Variants in PHLDB2 observed in about 807,000 individuals in gnomAD.
PHLDB2 encodes the protein pleckstrin homology like domain family B member 2.
Under a neutral mutation model 123.6 loss-of-function variants are expected in PHLDB2, and 71 were observed. The observed-to-expected ratio is 0.57, with a 90% CI of 0.47 to 0.70. The LOEUF (loss-of-function observed/expected upper bound fraction) is 0.70, where lower values mean the gene tolerates loss of function less well. Ranked by LOEUF, PHLDB2 falls within the 30% of genes least tolerant of loss-of-function variation. The pLI is 0.00. For missense variants in PHLDB2, 1,446 were observed against 1,519.5 expected, an observed-to-expected ratio of 0.95 and a Z score of 0.80; for synonymous variants, 547 against 541.6, an observed-to-expected ratio of 1.01 and a Z score of -0.14.
rs531727578 is a variant in PHLDB2, at chr3:111,832,474, TC to T, written c.-48-13343del. The stretch of plus-strand genomic sequence containing the variant: ...CATTCCCACATCCTTCCATCCCCAT[TC>T]CCCAGAGGAAAACAGCATTAATCTT... On this transcript the variant is annotated intron_variant, in intron 1 of 17. Coordinates refer to the PHLDB2 transcript ENST00000393923. Among the ~76,000 whole-genome samples, 3 of 150,934 alleles carry T rather than the reference TC, an allele frequency of 2.0e-5. No homozygotes were observed. The South Asian group carries it at 6.2e-4, about 31-fold the overall frequency.
At position 111,772,981 on chromosome 3, in the gene PHLDB2, G is replaced by A. The variant is rs564864554; in HGVS notation, c.-49+40278G>A. ...CTCACCTATCCATTTCCACTCATGT[G>A]CAAATCATATATTTCTGATTCTCAG... On this transcript the variant is annotated intron_variant, in intron 1 of 17. Coordinates refer to the PHLDB2 transcript ENST00000393923. Among the ~76,000 whole-genome samples the A allele has an allele frequency of 2.0e-5, 3 of 152,242 alleles. No individual in the cohort carries two copies. The South Asian group carries it at 6.2e-4, about 32-fold the overall frequency.
At chr3:111,850,612 T>G (rs771350118) in intron 2 of PHLDB2, among the ~76,000 whole-genome samples, 2 of 151,870 alleles carry the variant, frequency 1.3e-5, no homozygotes, top group Non-Finnish European at 2.9e-5. Flanking sequence ...CAAAAAAATT[T>G]TAAAATCTGG....
chr3:111,752,358 G>A (rs1444961156), intron 1 of PHLDB2, among the ~76,000 whole-genome samples: 1 of 151,810 alleles, frequency 6.6e-6, no homozygotes, highest in Non-Finnish European at 1.5e-5. Flanking sequence ...TTTTTTAATG[G>A]AATTTGTGAA....
chr3:111,773,395 A>AAC (rs2060211665), intron 1 of PHLDB2, among the ~76,000 whole-genome samples: 2 of 152,196 alleles, frequency 1.3e-5, no homozygotes, highest in African/African-American at 4.8e-5. Flanking sequence ...TATGGATCCC[A>AAC]ACATAGGCTT....
In PHLDB2 at chr3:111,766,993, T is replaced by G. The variant is rs1247019598; in HGVS notation, c.-49+34290T>G. Among the ~76,000 whole-genome samples the G allele has an allele frequency of 2.3e-5, 3 of 131,438 alleles. No homozygotes were observed. The Admixed American group carries it at 2.8e-4, about 12-fold the overall frequency. The allele number at this position is 131,438 out of a possible 152,430, so 86.2% of individuals were successfully genotyped here. On this transcript the variant is annotated intron_variant, in intron 1 of 17. Transcript: ENST00000393923. ...TTGCAGTGAGCCGAGATTGTGCCAT[T>G]GCATTCCAGCCTGGGCAACAGAGCC... is the stretch of plus-strand genomic sequence containing the variant.
intron 12 of PHLDB2, among the ~76,000 whole-genome samples, chr3:111,956,145 C>T (rs1482142339): frequency 2.6e-5 from 4 of 152,090 alleles, no homozygotes; most frequent in African/African-American, 9.7e-5. Context: ...AGTGAGCTGC[C>T]ATCATGCCAC....
intron 1 of PHLDB2, among the ~76,000 whole-genome samples, chr3:111,759,899 C>T (rs933618564): frequency 1.3e-5 from 2 of 152,142 alleles, no homozygotes; most frequent in African/African-American, 4.8e-5. Flanking sequence ...ATTGTTGGTT[C>T]ATAATAGCAA....
chr3:111,923,216 C>T (rs2068621269), intron 5 of PHLDB2, among the ~76,000 whole-genome samples: 1 of 152,170 alleles, frequency 6.6e-6, no homozygotes, highest in Admixed American at 6.5e-5. Context: ...GTTAAGACTA[C>T]TAAAGACCTC....
intron 1 of PHLDB2, among the ~76,000 whole-genome samples, chr3:111,781,776 G>A (rs144956001): frequency 1.3e-5 from 2 of 152,096 alleles, no homozygotes; most frequent in Admixed American, 6.6e-5. Flanking sequence ...CTTAAGCATA[G>A]TAAGTACAGT....
intron 3 of PHLDB2, among the ~76,000 whole-genome samples, chr3:111,918,210 A>G (rs754139577): frequency 6.6e-6 from 1 of 152,192 alleles, no homozygotes; most frequent in Non-Finnish European, 1.5e-5. Flanking sequence ...GTGATCTACA[A>G]TATTGCCTTC....
intron 1 of PHLDB2, among the ~76,000 whole-genome samples, chr3:111,784,095 G>C (rs900108857): frequency 1.3e-5 from 2 of 152,088 alleles, no homozygotes; most frequent in Non-Finnish European, 2.9e-5. Flanking sequence ...TAACCAAACT[G>C]GGAGGGAAAA....
At chr3:111,779,974 A>T (rs938438405) in intron 1 of PHLDB2, 3 of 612,478 alleles carry the variant, frequency 4.9e-6, no homozygotes, top group African/African-American at 2.0e-5. Flanking sequence ...AGAGTCGAGG[A>T]CTCTGACATG....
At chr3:111,877,521 G>A (rs2065694467) in intron 1 of PHLDB2, among the ~76,000 whole-genome samples, 1 of 152,074 alleles carries the variant, frequency 6.6e-6, no homozygotes. Context: ...TAGGTTGCCC[G>A]CTCACTCTGA....
chr3:111,832,391 AAAAAAAC>A (rs1445750491), intron 1 of PHLDB2, among the ~76,000 whole-genome samples: 2 of 148,906 alleles, frequency 1.3e-5, no homozygotes, highest in African/African-American at 5.1e-5. Flanking sequence ...AACAAAAAAC[AAAAAAAC>A]AAAAAGATAA....
chr3:111,751,708 G>A, intron 1 of PHLDB2, among the ~76,000 whole-genome samples: 1 of 117,166 alleles, frequency 8.5e-6, no homozygotes, highest in African/African-American at 3.2e-5. Context: ...GGAGGGGGGA[G>A]GGATAGCATT....
chr3:111,920,288 A>G lies in PHLDB2; in HGVS notation c.1870A>G (p.Met624Val), dbSNP rs2068426498. The G allele has an allele frequency of 1.2e-6, 2 of 1,613,598 alleles. No homozygotes were observed. The highest frequency in any genetic ancestry group is 1.7e-6 in the Non-Finnish European group (2 of 1,179,832). Residue 624 changes from methionine to valine, a missense_variant, in exon 5 of 18, where the codon ATG becomes GTG. Met to Val is a conservative substitution (Grantham distance 21). This residue lies in a region of PHLDB2 where 832 missense variants were observed against 831.9 expected (regional missense o/e 1.00). Transcript: ENST00000431670. Reference sequence around the variant, plus strand: ...CTTTGGTTTGTGTCCTTAGTTGGATATGGAATGTGCTCTTTTGGATGGAGA... The same window carrying G: ...CTTTGGTTTGTGTCCTTAGTTGGATGTGGAATGTGCTCTTTTGGATGGAGA... ...QMDESFRELD[M>V]ECALLDGEQK... is the part of the protein sequence containing the mutation.
intron 1 of PHLDB2, among the ~76,000 whole-genome samples, chr3:111,757,057 C>G (rs1220568769): frequency 6.6e-6 from 1 of 152,188 alleles, no homozygotes; most frequent in Non-Finnish European, 1.5e-5. Context: ...GGTAACCTGA[C>G]CTTTCTCTCT....
rs1014763765 is a variant in PHLDB2 at position 111,885,787 on chromosome 3, G to A, written c.1335+375G>A. ...TATTTATATCATTAAATTTGCTTGT[G>A]TATGGTTATGAGAAGTAGTCAGTGA... is the stretch of plus-strand genomic sequence containing the variant. On this transcript the variant is annotated intron_variant, in intron 2 of 17. Transcript: ENST00000431670. The A allele has an allele frequency of 1.2e-5, 7 of 585,512 alleles. No homozygotes were observed. In the East Asian group the frequency reaches 2.0e-4, roughly 17 times the overall value. The allele number at this position is 585,512 out of a possible 1,614,324, so 36.3% of individuals were successfully genotyped here.
At chr3:111,967,592 T>C (rs529143444) in intron 14 of PHLDB2, 86 bp from the exon 15 acceptor site, 3 of 1,364,832 alleles carry the variant, frequency 2.2e-6, no homozygotes, top group Non-Finnish European at 2.9e-6. Context: ...ATTTGTCTAG[T>C]AAGAATTGTC....
Sources: allele counts gnomAD v4.1 joint callset (sites outside exome capture counted in the v4.1 genomes callset), GRCh38; gene constraint gnomAD v4.1.1; regional missense constraint gnomAD v4.1.1; transcripts MANE v1.5; gene names NCBI Gene and HGNC (gene_info 2026-07-23, HGNC 2026-07-21).